The following ZFHX3 variants were observed in gnomAD, a reference collection of about 807,000 sequenced individuals.
ZFHX3 encodes zinc finger homeobox 3.
A neutral mutation model predicts 279.1 loss-of-function variants in ZFHX3; 42 were observed. That is an observed-to-expected ratio of 0.15 (90% CI 0.12 to 0.19). The LOEUF (loss-of-function observed/expected upper bound fraction) is 0.19, where lower values mean the gene tolerates loss of function less well. Among genes scored for constraint, ZFHX3 ranks in the 10% least tolerant of loss-of-function variants. The pLI, the probability that ZFHX3 is intolerant of heterozygous loss-of-function variation, is 1.00. For synonymous variants in ZFHX3, 2,293 were observed against 1,957.8 expected, an observed-to-expected ratio of 1.17 and a Z score of -4.52; for missense variants, 4,981 against 4,754.0, an observed-to-expected ratio of 1.05 and a Z score of -1.40.
rs372032406 is a variant in ZFHX3 at position 73,682,291 on chromosome 16, T to G, written c.-1607-2051A>C. Among the ~76,000 whole-genome samples the G allele has an allele frequency of 3.9e-5, 6 of 152,304 alleles. No individual in the cohort carries two copies. The East Asian group carries it at 9.6e-4, about 24-fold the overall frequency. On this transcript the variant is annotated intron_variant, in intron 1 of 17. Coordinates refer to the ZFHX3 transcript ENST00000641206. ...CCTGAAATCTTTGTATTTATTCTAT[T>G]AAAATTATATATATTTTGACAATAA...
At chr16:72,934,225 G>C (rs1959987466) in intron 3 of ZFHX3, among the ~76,000 whole-genome samples, 1 of 152,174 alleles carries the variant, frequency 6.6e-6, no homozygotes, top group Non-Finnish European at 1.5e-5. Flanking sequence ...AGGAGTTCGA[G>C]ACCAGCCTGG....
At chr16:73,513,696 T>C (rs1255757488) in intron 2 of ZFHX3, among the ~76,000 whole-genome samples, 4 of 152,078 alleles carry the variant, frequency 2.6e-5, no homozygotes, top group African/African-American at 7.2e-5. Context: ...CAGTGGCAAA[T>C]GCCTCATTGG....
At chr16:73,210,682 G>A (rs1314855359) in intron 5 of ZFHX3, among the ~76,000 whole-genome samples, 1 of 152,122 alleles carries the variant, frequency 6.6e-6, no homozygotes, top group Non-Finnish European at 1.5e-5. Flanking sequence ...ACAGAACAAG[G>A]TTTCAAGTCA....
intron 1 of ZFHX3, among the ~76,000 whole-genome samples, chr16:72,963,370 A>C (rs1160677737): frequency 1.3e-5 from 2 of 152,228 alleles, no homozygotes; most frequent in African/African-American, 4.8e-5. Context: ...TGCACTCAAC[A>C]TATGGGCTTC....
chr16:73,140,084 T>C (rs149756502), intron 6 of ZFHX3, among the ~76,000 whole-genome samples: 43 of 152,082 alleles, frequency 2.8e-4, no homozygotes, highest in African/African-American at 9.6e-4. Flanking sequence ...TTGGGCAACA[T>C]AGTGAGACCT....
chr16:73,545,490 A>G (rs1243742848), intron 2 of ZFHX3, among the ~76,000 whole-genome samples: 1 of 152,064 alleles, frequency 6.6e-6, no homozygotes, highest in Non-Finnish European at 1.5e-5. Flanking sequence ...CTGAAGGAGG[A>G]TGCTTCCCAC....
chr16:72,986,442 A>G (rs1038681945), intron 1 of ZFHX3, among the ~76,000 whole-genome samples: 1 of 152,210 alleles, frequency 6.6e-6, no homozygotes. Context: ...AAGCTAACTG[A>G]ACATGGTCAA....
intron 2 of ZFHX3, among the ~76,000 whole-genome samples, chr16:73,663,665 G>A (rs1260242754): frequency 2.0e-5 from 3 of 152,202 alleles, no homozygotes; most frequent in Non-Finnish European, 4.4e-5. Flanking sequence ...ATGTGTCTGG[G>A]ACAAAGGAGA....
intron 3 of ZFHX3, among the ~76,000 whole-genome samples, chr16:73,429,145 T>A (rs2017865108): frequency 6.6e-6 from 1 of 152,098 alleles, no homozygotes; most frequent in African/African-American, 2.4e-5. Context: ...ATAGGCCATA[T>A]CTAGCAACTC....
At chr16:73,536,788 A>C (rs2019909519) in intron 2 of ZFHX3, among the ~76,000 whole-genome samples, 2 of 152,264 alleles carry the variant, frequency 1.3e-5, no homozygotes, top group East Asian at 3.9e-4. Context: ...TCAGAGGACT[A>C]TGTTTCCAGG....
intron 4 of ZFHX3, among the ~76,000 whole-genome samples, chr16:72,844,861 C>G (rs1308632764): frequency 1.3e-5 from 2 of 151,948 alleles, no homozygotes; most frequent in African/African-American, 4.8e-5. Flanking sequence ...AAAACCCTGC[C>G]CCGCCCCCTC....
intron 4 of ZFHX3, among the ~76,000 whole-genome samples, chr16:73,306,061 C>T (rs1256752229): frequency 6.6e-6 from 1 of 152,182 alleles, no homozygotes; most frequent in African/African-American, 2.4e-5. Context: ...GTGACGCTGA[C>T]GCGACCTGTG....
intron 1 of ZFHX3, among the ~76,000 whole-genome samples, chr16:73,742,887 G>A (rs1301123881): frequency 2.0e-5 from 3 of 152,126 alleles, no homozygotes; most frequent in Admixed American, 6.5e-5. Context: ...CTTTCAATAA[G>A]GAAACTGGCA....
chr16:73,891,738 TTCTCTCTCTCTCTCTC>T (rs3082344), exon 1 of ZFHX3: 7 of 141,960 alleles, frequency 4.9e-5, no homozygotes, highest in Admixed American at 7.1e-5. Flanking sequence ...GGGTTTTTAG[TTCTCTCTCTCTCTCTC>T]TCTCTCTCTC....
chr16:72,971,125 A>T lies in ZFHX3; in HGVS notation c.-49-10931T>A, dbSNP rs114798028. On this transcript the variant is annotated intron_variant, in intron 1 of 9. Coordinates refer to ENST00000268489, the MANE Select transcript of ZFHX3 (RefSeq NM_006885.4). Reference sequence around the variant, plus strand: ...TTATGTAGGCCGCCCTTTTAACCTAATTTAGTATGAAATTTTTCCTATGCC... The same window carrying T: ...TTATGTAGGCCGCCCTTTTAACCTATTTTAGTATGAAATTTTTCCTATGCC... 9.2e-3 allele frequency among the ~76,000 whole-genome samples: 1,405 copies of T among 152,288 alleles called. 19 individuals carry two copies. The highest frequency in any genetic ancestry group is 0.031 in the African/African-American group (1,307 of 41,560).
chr16:73,128,586 T>C (rs1224251809), intron 7 of ZFHX3, among the ~76,000 whole-genome samples: 1 of 152,138 alleles, frequency 6.6e-6, no homozygotes, highest in Non-Finnish European at 1.5e-5. Context: ...ACAGGTACTA[T>C]AAGCCCAGGA....
At chr16:73,007,571 C>T (rs971739467) in intron 1 of ZFHX3, among the ~76,000 whole-genome samples, 3 of 152,058 alleles carry the variant, frequency 2.0e-5, no homozygotes, top group South Asian at 2.1e-4. Flanking sequence ...CTCAGCTTCC[C>T]GAGTAACTGG....
chr16:73,287,719 GCTGTGTGGGT>G (rs1829315843), intron 4 of ZFHX3, among the ~76,000 whole-genome samples: 1 of 149,168 alleles, frequency 6.7e-6, no homozygotes, highest in Non-Finnish European at 1.5e-5. Context: ...TCAGTGTGTG[GCTGTGTGGGT>G]CGGTGTGTGG....
chr16:73,710,367 A>AT (rs747571480), intron 1 of ZFHX3, among the ~76,000 whole-genome samples: 2 of 152,276 alleles, frequency 1.3e-5, no homozygotes, highest in East Asian at 3.9e-4. Context: ...CCTCTTACCC[A>AT]TTTTTAACTA....
Sources: allele counts gnomAD v4.1 joint callset (sites outside exome capture counted in the v4.1 genomes callset), GRCh38; gene constraint gnomAD v4.1.1; transcripts MANE v1.5; gene names NCBI Gene and HGNC (gene_info 2026-07-23, HGNC 2026-07-21).